PCDHA7: variants seen among roughly 807,000 people sequenced by gnomAD.
The protein encoded by PCDHA7 is protocadherin alpha-7.
A neutral mutation model predicts 57.2 loss-of-function variants in PCDHA7; 37 were observed. The observed-to-expected ratio is 0.65, with a 90% CI of 0.50 to 0.85. PCDHA7 has a LOEUF of 0.85. Ranked by LOEUF, PCDHA7 falls within the 40% of genes least tolerant of loss-of-function variation. PCDHA7 has a pLI of 0.00. For synonymous variants in PCDHA7, 553 were observed against 558.8 expected (o/e 0.99, Z 0.15); for missense variants, 1,188 against 1,241.8 (o/e 0.96, Z 0.65).
At chr5:140,891,358 G>A (rs1002422244) in intron 1 of PCDHA7, among the ~76,000 whole-genome samples, 1 of 152,044 alleles carries the variant, frequency 6.6e-6, no homozygotes. Flanking sequence ...TCCATCACCT[G>A]AGCAGTATAC....
At chr5:140,843,273 T>A in intron 1 of PCDHA7, 1 of 1,595,994 alleles carries the variant, frequency 6.3e-7, no homozygotes, top group Non-Finnish European at 8.6e-7. Flanking sequence ...CTGGTCCTGG[T>A]GAAGGATCAT....
In PCDHA7 at chr5:140,883,748, C is replaced by T. The variant is rs782541066; in HGVS notation, c.2355+47010C>T. The T allele has an allele frequency of 4.3e-6, 7 of 1,613,146 alleles. No individual in the cohort carries two copies. The East Asian group carries it at 1.6e-4, about 36-fold the overall frequency. On this transcript the variant is annotated intron_variant, in intron 1 of 3. Transcript: ENST00000525929. ...GGAGAACGCGCTGGTCTCCTACTCG[C>T]TGGTGGAGCGGCGGGTGGGCGAGCG... is the stretch of plus-strand genomic sequence containing the variant.
intron 1 of PCDHA7, chr5:140,968,708 A>G: frequency 1.2e-6 from 2 of 1,614,126 alleles, no homozygotes; most frequent in Non-Finnish European, 1.7e-6. Flanking sequence ...TACCAGGAAG[A>G]TGGGAGATGA....
rs371269236 is a variant in PCDHA7, at chr5:141,009,740, G to A, written c.2617G>A (p.Asp873Asn). Residue 873 changes from aspartate to asparagine, a missense_variant, in exon 4 of 4, where the codon GAC becomes AAC. Asp to Asn is a conservative substitution (Grantham distance 23, BLOSUM62 1). This residue lies in a region of PCDHA7 where 892 missense variants were observed against 788.5 expected (regional missense o/e 1.13). Coordinates refer to ENST00000525929, the MANE Select transcript of PCDHA7 (RefSeq NM_018910.3). ...PKQSGPGELP[D>N]KFIIPGSPAI... ...ACAATCCGGTCCCGGTGAGTTGCCC[G>A]ACAAATTCATTATCCCAGGATCTCC... The A allele has an allele frequency of 1.8e-4, 293 of 1,613,962 alleles. No individual in the cohort carries two copies. Among genetic ancestry groups the A allele is most frequent in the East Asian group, 1.6e-3 (74 of 44,884 alleles).
chr5:140,883,227 T>C (rs1367769120), intron 1 of PCDHA7: 2 of 1,613,830 alleles, frequency 1.2e-6, no homozygotes, highest in African/African-American at 2.7e-5. Flanking sequence ...GAAATATCCG[T>C]GGAGGCAGTT....
chr5:140,997,384 A>T (rs2097769179), intron 3 of PCDHA7, among the ~76,000 whole-genome samples: 1 of 152,198 alleles, frequency 6.6e-6, no homozygotes, highest in South Asian at 2.1e-4. Context: ...AGCATACTAC[A>T]CACTTAGGCT....
chr5:140,883,622 G>A, intron 1 of PCDHA7: 4 of 1,614,004 alleles, frequency 2.5e-6, no homozygotes, highest in Non-Finnish European at 3.4e-6. Context: ...GAACGACAAC[G>A]CGCCGGCGTT....
rs1426602429 is a variant in PCDHA7 at position 140,836,650 on chromosome 5, A to T, written c.2267A>T (p.Gln756Leu). The change falls in exon 1 of 4, where the codon CAG (glutamine) becomes CTG (leucine). Residue 756 changes from glutamine (Q) to leucine (L), a missense_variant. Physicochemically the swap from Gln to Leu is moderately radical, Grantham distance 113. Transcript: ENST00000525929. ...GSWSFSQQRR[Q>L]RVCSGEGPPK... is the part of the protein sequence containing the mutation. ...TGGTCATTCTCCCAGCAGAGGCGGCAGAGGGTGTGCTCTGGGGAGGGCCCA... is the reference window on the plus strand; with the variant it reads ...TGGTCATTCTCCCAGCAGAGGCGGCTGAGGGTGTGCTCTGGGGAGGGCCCA... The T allele has an allele frequency of 6.2e-7, 1 of 1,613,394 alleles. No homozygotes were observed. The highest frequency in any genetic ancestry group is 1.3e-5 in the African/African-American group (1 of 74,822).
chr5:140,902,599 G>A (rs981296505), intron 1 of PCDHA7, among the ~76,000 whole-genome samples: 14 of 152,024 alleles, frequency 9.2e-5, no homozygotes, highest in Admixed American at 3.3e-4. Flanking sequence ...GAAACAGGTC[G>A]TTTTCAGTTA....
At chr5:141,009,476 C>T in intron 3 of PCDHA7, 151 bp from the exon 4 acceptor site, 4 of 1,420,154 alleles carry the variant, frequency 2.8e-6, no homozygotes, top group Non-Finnish European at 2.8e-6. Flanking sequence ...AATAAGTAAA[C>T]ACTTGCCTTG....
chr5:140,842,048 G>C lies in PCDHA7; in HGVS notation c.2355+5310G>C, dbSNP rs2150328015. ...TGTGAATGATAATGCTCCCACTTTC[G>C]AACAGTCTGAATACGAAGTAAGAAT... On this transcript the variant is annotated intron_variant, in intron 1 of 3. Coordinates refer to ENST00000525929, the MANE Select transcript of PCDHA7 (RefSeq NM_018910.3). The C allele has an allele frequency of 2.4e-5, 39 of 1,613,798 alleles. 2 individuals carry two copies. The East Asian group carries it at 8.2e-4, about 34-fold the overall frequency.
intron 1 of PCDHA7, chr5:140,848,281 T>C: frequency 1.7e-6 from 1 of 600,408 alleles, no homozygotes; most frequent in Non-Finnish European, 2.9e-6. Context: ...AATATGTACT[T>C]ACACTTTGGG....
At chr5:140,849,062 A>G (rs2040761677) in intron 1 of PCDHA7, 2 of 1,547,906 alleles carry the variant, frequency 1.3e-6, no homozygotes, top group South Asian at 1.1e-5. Context: ...ACCAGCAGGT[A>G]AAACCTCTTG....
intron 3 of PCDHA7, among the ~76,000 whole-genome samples, chr5:141,000,417 A>AT (rs1563652061): frequency 7.5e-4 from 58 of 77,708 alleles, no homozygotes; most frequent in African/African-American, 1.3e-3. Context: ...ATATATATAT[A>AT]TATATTTTTT....
chr5:141,007,935 C>G (rs2098352677), intron 3 of PCDHA7, among the ~76,000 whole-genome samples: 1 of 152,176 alleles, frequency 6.6e-6, no homozygotes, highest in African/African-American at 2.4e-5. Flanking sequence ...GAATTCTAAG[C>G]CACCTTTTTG....
intron 3 of PCDHA7, among the ~76,000 whole-genome samples, chr5:140,986,945 C>G (rs1295830111): frequency 1.3e-5 from 2 of 151,946 alleles, no homozygotes; most frequent in Non-Finnish European, 2.9e-5. Context: ...TGGGTGTGGT[C>G]GCTCATGCCT....
At position 140,835,833 on chromosome 5, in the gene PCDHA7, G is replaced by A. The variant is rs2150246145; in HGVS notation, c.1450G>A (p.Ala484Thr). 4.3e-6 allele frequency: 7 copies of A among 1,612,446 alleles called. No homozygotes were observed. In the Admixed American group the frequency reaches 1.2e-4, roughly 27 times the overall value. The change falls in exon 1 of 4, where the codon GCG becomes ACG. Residue 484 changes from alanine to threonine, a missense_variant. Coordinates refer to ENST00000525929, the MANE Select transcript of PCDHA7 (RefSeq NM_018910.3). Reference protein sequence around the residue: ...IFTVSAGDADAQKNALVSYSL... With the variant: ...IFTVSAGDADTQKNALVSYSL... ...CACTGTGTCGGCGGGGGACGCGGAC[G>A]CGCAGAAGAACGCGCTGGTGTCCTA...
intron 1 of PCDHA7, chr5:140,928,384 C>G (rs246074): frequency 0.52 from 841,304 of 1,613,674 alleles, 221,696 homozygotes; most frequent in African/African-American, 0.71. Flanking sequence ...CTCTAGCTTG[C>G]TGGCAGTGGA....
intron 1 of PCDHA7, among the ~76,000 whole-genome samples, chr5:140,904,267 A>C (rs2070997540): frequency 6.6e-6 from 1 of 152,016 alleles, no homozygotes; most frequent in South Asian, 2.1e-4. Context: ...CCCACTTATG[A>C]ATGAGAACAT....
Sources: allele counts gnomAD v4.1 joint callset (sites outside exome capture counted in the v4.1 genomes callset), GRCh38; gene constraint gnomAD v4.1.1; regional missense constraint gnomAD v4.1.1; transcripts MANE v1.5; gene names NCBI Gene and HGNC (gene_info 2026-07-23, HGNC 2026-07-21).